The following LAMC1 variants were observed in gnomAD, a reference collection of about 807,000 sequenced individuals.
LAMC1 encodes the protein laminin subunit gamma 1, also known as laminin subunit gamma-1.
A neutral mutation model predicts 173.6 loss-of-function variants in LAMC1; 38 were observed. The observed-to-expected ratio is 0.22, with a 90% CI of 0.17 to 0.29. The LOEUF (loss-of-function observed/expected upper bound fraction) is 0.29. Among genes scored for constraint, LAMC1 ranks in the 10% least tolerant of loss-of-function variants. LAMC1 has a pLI of 1.00. For missense variants in LAMC1, 1,824 were observed against 2,051.8 expected (o/e 0.89, Z 2.14); for synonymous variants, 746 against 749.1 (o/e 1.00, Z 0.07).
At chr1:183,063,865 C>T (rs1420478927) in intron 1 of LAMC1, among the ~76,000 whole-genome samples, 1 of 152,092 alleles carries the variant, frequency 6.6e-6, no homozygotes, top group Non-Finnish European at 1.5e-5. Context: ...TTTGTAATAC[C>T]TTGCTCATCC....
In LAMC1 at chr1:183,134,853, T is replaced by C; in HGVS notation, c.3999+44T>C. 3.1e-6 allele frequency: 5 copies of C among 1,592,984 alleles called. No individual in the cohort carries two copies. In the Admixed American group the frequency reaches 8.6e-5, roughly 27 times the overall value. The stretch of plus-strand genomic sequence containing the variant: ...TCGCTTCATTTCTTGAGGCAACATT[T>C]GAACAGTCCAAATGGGTCTGTGATG... On this transcript the variant is annotated intron_variant, in intron 23 of 27. Coordinates refer to ENST00000258341, the MANE Select transcript of LAMC1 (RefSeq NM_002293.4).
At chr1:183,027,606 A>T (rs1433472258) in intron 1 of LAMC1, among the ~76,000 whole-genome samples, 3 of 152,232 alleles carry the variant, frequency 2.0e-5, no homozygotes, top group Admixed American at 6.5e-5. Flanking sequence ...AAAGTTTATG[A>T]AACTCCTAAA....
chr1:183,087,311 C>G (rs1453258101), intron 1 of LAMC1, among the ~76,000 whole-genome samples: 2 of 152,152 alleles, frequency 1.3e-5, no homozygotes, highest in African/African-American at 4.8e-5. Context: ...TTTTACAAGT[C>G]AGACAGTTCT....
intron 1 of LAMC1, among the ~76,000 whole-genome samples, chr1:183,048,422 G>A (rs1358593710): frequency 6.6e-6 from 1 of 152,122 alleles, no homozygotes; most frequent in African/African-American, 2.4e-5. Context: ...TTATTGCAGT[G>A]TCCACCTATA....
At chr1:183,135,890 C>A (rs1477605792) in intron 24 of LAMC1, among the ~76,000 whole-genome samples, 713 of 103,662 alleles carry the variant, frequency 6.9e-3, no homozygotes, top group Admixed American at 8.2e-3. Context: ...CCTTGTCTCT[C>A]AAAAAAAAAA....
At chr1:183,120,557 C>T (rs1157664794) in intron 11 of LAMC1, among the ~76,000 whole-genome samples, 5 of 152,102 alleles carry the variant, frequency 3.3e-5, no homozygotes, top group Non-Finnish European at 5.9e-5. Flanking sequence ...ATGAAAAATA[C>T]GCTTTAAGCA....
rs1404325122 is a variant in LAMC1 at position 183,117,732 on chromosome 1, G to A, written c.1877+9G>A. The A allele has an allele frequency of 1.2e-6, 2 of 1,606,640 alleles. No individual in the cohort carries two copies. The highest frequency in any genetic ancestry group is 2.2e-5 in the East Asian group (1 of 44,784). On this transcript the variant is annotated intron_variant, in intron 10 of 27. Coordinates refer to ENST00000258341, the MANE Select transcript of LAMC1 (RefSeq NM_002293.4). ...GTGAAGTATGTCTTCAGGTAAGATA[G>A]CCTTCTTTGTAAAGTGAGACTTGAC... is the stretch of plus-strand genomic sequence containing the variant.
At chr1:183,125,661 A>AC in intron 15 of LAMC1, 111 bp downstream of exon 15, 1 of 790,278 alleles carries the variant, frequency 1.3e-6, no homozygotes, top group Non-Finnish European at 2.0e-6. Flanking sequence ...TGGAGCGCCT[A>AC]ATGTAGGCAA....
chr1:183,132,595 G>T lies in LAMC1; in HGVS notation c.3704+58G>T. On this transcript the variant is annotated intron_variant, in intron 21 of 27. Transcript: ENST00000258341. ...TCAGGTGTTCTGGTAAGTAACACTA[G>T]TTCAATGAAAAATTAAATGCTGGTG... The T allele has an allele frequency of 5.1e-6, 7 of 1,371,138 alleles. 1 individual carries two copies. The South Asian group carries it at 6.3e-5, about 12-fold the overall frequency. 84.9% of individuals were successfully genotyped at this position (1,371,138 alleles called of 1,614,324 possible).
At chr1:183,070,984 C>T (rs1411935258) in intron 1 of LAMC1, among the ~76,000 whole-genome samples, 1 of 152,164 alleles carries the variant, frequency 6.6e-6, no homozygotes, top group Admixed American at 6.5e-5. Flanking sequence ...CCTGTTTCAT[C>T]ACAGCCTGCC....
chr1:183,071,532 A>G (rs533654725), intron 1 of LAMC1, among the ~76,000 whole-genome samples: 5 of 139,584 alleles, frequency 3.6e-5, no homozygotes, highest in Middle Eastern at 3.3e-3. Flanking sequence ...ACAGAAATCA[A>G]TCTTTATGGT....
intron 2 of LAMC1, 101 bp downstream of exon 2, chr1:183,103,733 G>T: frequency 9.9e-7 from 1 of 1,012,454 alleles, no homozygotes; most frequent in Non-Finnish European, 1.4e-6. Context: ...CTGAGGTACG[G>T]GGTCAGAGTA....
intron 1 of LAMC1, among the ~76,000 whole-genome samples, chr1:183,101,873 C>G (rs1428388992): frequency 6.6e-6 from 1 of 152,120 alleles, no homozygotes; most frequent in Non-Finnish European, 1.5e-5. Flanking sequence ...AAGATCTGGG[C>G]CAGTTGAGAA....
At chr1:183,123,515 T>C (rs1055617624) in intron 13 of LAMC1, among the ~76,000 whole-genome samples, 1 of 152,238 alleles carries the variant, frequency 6.6e-6, no homozygotes, top group Non-Finnish European at 1.5e-5. Context: ...TGGCTTATCT[T>C]GTTTTTCTGA....
intron 1 of LAMC1, among the ~76,000 whole-genome samples, chr1:183,037,232 C>T (rs759021681): frequency 6.6e-6 from 1 of 152,130 alleles, no homozygotes; most frequent in Non-Finnish European, 1.5e-5. Context: ...AAAAGTGTAC[C>T]CTACCTCATT....
intron 26 of LAMC1, 54 bp from the exon 27 acceptor site, chr1:183,140,350 T>C (rs1303834431): frequency 9.3e-7 from 1 of 1,074,286 alleles, no homozygotes; most frequent in African/African-American, 1.6e-5. Context: ...AAAAAAGATT[T>C]AAAGAAGATG....
intron 1 of LAMC1, among the ~76,000 whole-genome samples, chr1:183,077,896 A>G (rs1424136699): frequency 6.6e-6 from 1 of 151,474 alleles, no homozygotes; most frequent in Admixed American, 6.6e-5. Flanking sequence ...ACTGATGACT[A>G]GCTCTTACCA....
intron 1 of LAMC1, among the ~76,000 whole-genome samples, chr1:183,034,072 A>G (rs1346483106): frequency 2.0e-5 from 3 of 152,168 alleles, no homozygotes; most frequent in Non-Finnish European, 4.4e-5. Context: ...AGATGAGCTT[A>G]TTGCATTTTG....
At chr1:183,112,797 ACT>A (rs961408367) in intron 4 of LAMC1, among the ~76,000 whole-genome samples, 7 of 151,784 alleles carry the variant, frequency 4.6e-5, no homozygotes, top group African/African-American at 1.7e-4. Flanking sequence ...ACTTAACAAA[ACT>A]CTAATTTTTG....
Sources: allele counts gnomAD v4.1 joint callset (sites outside exome capture counted in the v4.1 genomes callset), GRCh38; gene constraint gnomAD v4.1.1; transcripts MANE v1.5; gene names NCBI Gene and HGNC (gene_info 2026-07-23, HGNC 2026-07-21).